RTN3: variants seen among roughly 807,000 people sequenced by gnomAD.
The protein encoded by RTN3 is reticulon-3.
A neutral mutation model predicts 77.8 loss-of-function variants in RTN3; 49 were observed. That is an observed-to-expected ratio of 0.63 (90% CI 0.50 to 0.80). The LOEUF is 0.80. Among genes scored for constraint, RTN3 ranks in the 30% least tolerant of loss-of-function variants. RTN3 has a pLI of 0.00. For synonymous variants in RTN3, 464 were observed against 446.9 expected, an observed-to-expected ratio of 1.04 and a Z score of -0.48; for missense variants, 1,236 against 1,211.9, an observed-to-expected ratio of 1.02 and a Z score of -0.29.
chr11:63,739,892 A>G (rs967803177), intron 3 of RTN3, among the ~76,000 whole-genome samples: 5 of 152,090 alleles, frequency 3.3e-5, no homozygotes, highest in African/African-American at 7.2e-5. Context: ...AGTGAACCCT[A>G]TTTCTGTATT....
At chr11:63,694,285 TCCTGCCTCAG>T (rs1941818608) in intron 1 of RTN3, among the ~76,000 whole-genome samples, 1 of 151,960 alleles carries the variant, frequency 6.6e-6, no homozygotes, top group Non-Finnish European at 1.5e-5. Flanking sequence ...CAAGCAATTC[TCCTGCCTCAG>T]CCTCCCAAGT....
At position 63,759,282 on chromosome 11, in the gene RTN3, G is replaced by A. The variant is rs1231245936; in HGVS notation, c.*1081G>A. 3 of 152,156 alleles carry A rather than the reference G, an allele frequency of 2.0e-5. No homozygotes were observed. The highest frequency in any genetic ancestry group is 1.9e-4 in the East Asian group (1 of 5,198). 9.4% of individuals were successfully genotyped at this position (152,156 alleles called of 1,614,324 possible). Reference sequence around the variant, plus strand: ...TTCACCTTCAATATGAGAATTCAGCGAACTTGAAAGAAAAATCATCTGTGA... The same window carrying A: ...TTCACCTTCAATATGAGAATTCAGCAAACTTGAAAGAAAAATCATCTGTGA... On this transcript the variant is annotated 3_prime_UTR_variant, in exon 9 of 9. Transcript: ENST00000377819.
At chr11:63,692,359 C>T (rs886889364) in intron 1 of RTN3, among the ~76,000 whole-genome samples, 6 of 151,982 alleles carry the variant, frequency 3.9e-5, no homozygotes, top group African/African-American at 9.7e-5. Context: ...CCCTCTACCT[C>T]GGGGTTTTAT....
intron 3 of RTN3, among the ~76,000 whole-genome samples, chr11:63,734,968 T>C (rs2012985041): frequency 6.6e-6 from 1 of 152,144 alleles, no homozygotes; most frequent in African/African-American, 2.4e-5. Flanking sequence ...GCGGGATAGA[T>C]ATTAGGTTGA....
chr11:63,753,732 C>A, intron 7 of RTN3, 24 bp downstream of exon 7: 1 of 1,603,680 alleles, frequency 6.2e-7, no homozygotes, highest in South Asian at 1.1e-5. Flanking sequence ...TGTTCCAAAT[C>A]AAATGTGCCA....
At chr11:63,682,298 A>G (rs1941101359) in intron 1 of RTN3, among the ~76,000 whole-genome samples, 1 of 152,052 alleles carries the variant, frequency 6.6e-6, no homozygotes, top group Non-Finnish European at 1.5e-5. Context: ...AGGATGAGGA[A>G]GTTTAATGGA....
intron 1 of RTN3, among the ~76,000 whole-genome samples, chr11:63,684,619 T>C (rs1941268063): frequency 6.6e-6 from 1 of 152,054 alleles, no homozygotes; most frequent in Non-Finnish European, 1.5e-5. Flanking sequence ...AGTAAAATTT[T>C]ATTACAGAAT....
intron 3 of RTN3, among the ~76,000 whole-genome samples, chr11:63,734,734 AACACAC>A (rs754454322): frequency 0.042 from 3,437 of 81,272 alleles, 102 homozygotes; most frequent in African/African-American, 0.09. Context: ...TCTGTCTCAA[AACACAC>A]ACACACACAC....
At chr11:63,681,802 C>A in intron 1 of RTN3, 24 bp downstream of exon 1, 1 of 1,533,076 alleles carries the variant, frequency 6.5e-7, no homozygotes. Flanking sequence ...GGAGCCCCCG[C>A]CCTGGGAAAG....
At chr11:63,740,149 G>A (rs191392987) in intron 3 of RTN3, among the ~76,000 whole-genome samples, 49 of 152,220 alleles carry the variant, frequency 3.2e-4, no homozygotes, top group East Asian at 3.1e-3. Context: ...CTCTGTCTCC[G>A]TATATCATTT....
chr11:63,748,889 A>T (rs2013951985), intron 3 of RTN3, among the ~76,000 whole-genome samples: 1 of 151,782 alleles, frequency 6.6e-6, no homozygotes, highest in Non-Finnish European at 1.5e-5. Context: ...GTTGGTCTCG[A>T]ACTCCTGACC....
intron 1 of RTN3, among the ~76,000 whole-genome samples, chr11:63,687,476 G>A (rs1466496968): frequency 1.3e-5 from 2 of 152,052 alleles, no homozygotes; most frequent in Non-Finnish European, 2.9e-5. Flanking sequence ...AAATTAGCTG[G>A]GTGTAATCCT....
At chr11:63,698,006 C>A (rs1484849831) in intron 1 of RTN3, among the ~76,000 whole-genome samples, 1 of 152,112 alleles carries the variant, frequency 6.6e-6, no homozygotes, top group African/African-American at 2.4e-5. Flanking sequence ...ATTTCCCATA[C>A]TTTTTGTTTT....
intron 3 of RTN3, among the ~76,000 whole-genome samples, chr11:63,725,697 C>T (rs575950834): frequency 2.6e-5 from 4 of 152,258 alleles, no homozygotes; most frequent in African/African-American, 9.6e-5. Context: ...CGTGATCCGC[C>T]CGCCTCGGCC....
chr11:63,751,849 G>A (rs1565046337), intron 4 of RTN3, among the ~76,000 whole-genome samples: 1 of 152,010 alleles, frequency 6.6e-6, no homozygotes, highest in African/African-American at 2.4e-5. Flanking sequence ...AAAATTAGCC[G>A]GGCAAGGTGG....
intron 3 of RTN3, among the ~76,000 whole-genome samples, chr11:63,726,667 C>T (rs1290817354): frequency 1.3e-5 from 2 of 152,064 alleles, no homozygotes. Flanking sequence ...TCAAGACCAG[C>T]CTGGTCAAGC....
At chr11:63,743,712 G>T (rs1427666112) in intron 3 of RTN3, among the ~76,000 whole-genome samples, 25 of 151,832 alleles carry the variant, frequency 1.6e-4, no homozygotes, top group Non-Finnish European at 4.4e-5. Flanking sequence ...GTCAGGAGTT[G>T]GAGACCAGCC....
chr11:63,706,039 G>A (rs1323258228), intron 2 of RTN3, among the ~76,000 whole-genome samples: 2 of 152,200 alleles, frequency 1.3e-5, no homozygotes, highest in South Asian at 4.1e-4. Context: ...TGTGCAAACA[G>A]TTTGTTGTTA....
chr11:63,681,548 C>A lies in RTN3; in HGVS notation c.-89C>A. Reference sequence around the variant, plus strand: ...AGCAGGCGGAGTAAAGGGACTTGAGCGAGCCAGTTGCCGGATTATTCTATT... The same window carrying A: ...AGCAGGCGGAGTAAAGGGACTTGAGAGAGCCAGTTGCCGGATTATTCTATT... On this transcript the variant is annotated 5_prime_UTR_variant, in exon 1 of 9. Transcript: ENST00000377819. The A allele has an allele frequency of 7.4e-7, 1 of 1,349,638 alleles. No individual in the cohort carries two copies. Among genetic ancestry groups the A allele is most frequent in the Non-Finnish European group, 1.0e-6 (1 of 998,986 alleles). The allele number at this position is 1,349,638 out of a possible 1,614,324, so 83.6% of individuals were successfully genotyped here. A position where few individuals can be genotyped will look rare whatever the true frequency, so the allele number is the denominator to read the frequency against.
Sources: allele counts gnomAD v4.1 joint callset (sites outside exome capture counted in the v4.1 genomes callset), GRCh38; gene constraint gnomAD v4.1.1; transcripts MANE v1.5; gene names NCBI Gene and HGNC (gene_info 2026-07-23, HGNC 2026-07-21).